The following POGK variants were observed in gnomAD, a reference collection of about 807,000 sequenced individuals.
POGK encodes pogo transposable element derived with KRAB domain, also known as pogo transposable element with KRAB domain.
A neutral mutation model predicts 54.4 loss-of-function variants in POGK; 16 were observed. The ratio of observed to expected loss-of-function variants is 0.29; its 90% CI spans 0.20 to 0.45. POGK has a LOEUF of 0.45. Among genes scored for constraint, POGK ranks in the 20% least tolerant of loss-of-function variants. The pLI is 1.00. For synonymous variants in POGK, 271 were observed against 302.2 expected (o/e 0.90, Z 1.07); for missense variants, 515 against 795.6 (o/e 0.65, Z 4.24).
At position 166,850,190 on chromosome 1, in the gene POGK, G is replaced by T. The variant is rs1447264006; in HGVS notation, c.1611G>T (p.Gly537=). The T allele has an allele frequency of 3.2e-6, 5 of 1,555,440 alleles. No individual in the cohort carries two copies. The highest frequency in any genetic ancestry group is 4.4e-6 in the Non-Finnish European group (5 of 1,149,038). ...LAGNLALSPT[G]NAKKPPLGLF... ...GGAACCTGGCGCTGAGCCCAACCGGGAATGCTAAGAAGCCACCCCTGGGCC... is the reference window on the plus strand; with the variant it reads ...GGAACCTGGCGCTGAGCCCAACCGGTAATGCTAAGAAGCCACCCCTGGGCC... The change falls in exon 5 of 6, where the codon GGG becomes GGT. Residue 537 remains glycine, a synonymous_variant. Transcript: ENST00000367876.
rs570431807 is a variant in POGK at position 166,853,825 on chromosome 1, G to T, written c.*1255G>T. On this transcript the variant is annotated 3_prime_UTR_variant, in exon 6 of 6. Coordinates refer to ENST00000367876, the MANE Select transcript of POGK (RefSeq NM_017542.5). ...ACCTATTTCTACTCAGGTACTCATT[G>T]TCCTGTTACTGATTCACCTTTCTGA... The T allele has an allele frequency of 6.6e-6, 1 of 152,376 alleles. No individual in the cohort carries two copies. The highest frequency in any genetic ancestry group is 2.1e-4 in the South Asian group (1 of 4,828). 9.4% of individuals were successfully genotyped at this position (152,376 alleles called of 1,614,324 possible).
At chr1:166,843,499 T>C (rs1657622637) in intron 2 of POGK, among the ~76,000 whole-genome samples, 1 of 152,228 alleles carries the variant, frequency 6.6e-6, no homozygotes, top group African/African-American at 2.4e-5. Context: ...GACAAGTTAC[T>C]TAACCACTCT....
At chr1:166,852,462 A>G (rs944505449) in intron 5 of POGK, 123 bp from the exon 6 acceptor site, 1 of 152,272 alleles carries the variant, frequency 6.6e-6, no homozygotes, top group African/African-American at 2.4e-5. Context: ...TTGGGAGACC[A>G]AGTGGGCATA....
chr1:166,851,119 CT>C (rs979849239), intron 5 of POGK: 3 of 152,152 alleles, frequency 2.0e-5, no homozygotes, highest in Non-Finnish European at 2.9e-5. Context: ...GAAAAGCCAA[CT>C]TTTTTCTTTC....
Position 166,849,844 on chromosome 1 carries a change from TC to T in POGK, c.1271del (p.Pro424ArgfsTer18). On this transcript the variant is annotated frameshift_variant, in exon 5 of 6. Coordinates refer to ENST00000367876, the MANE Select transcript of POGK (RefSeq NM_017542.5). LOFTEE classifies it high-confidence loss of function. The part of the protein sequence containing the change: ...PPYIILRGTY[I>X]PPGKFPSGME... ...TACATCATTTTGAGGGGAACATATA[TC>T]CCCCCGGGGAAGTTTCCCAGTGGGA... is the stretch of plus-strand genomic sequence containing the variant. 1 of 1,614,058 alleles carries T rather than the reference TC, an allele frequency of 6.2e-7. No homozygotes were observed. Among genetic ancestry groups the T allele is most frequent in the Non-Finnish European group, 8.5e-7 (1 of 1,180,016 alleles).
intron 5 of POGK, chr1:166,852,031 G>A (rs1403321731): frequency 1.3e-5 from 2 of 152,144 alleles, no homozygotes; most frequent in African/African-American, 2.4e-5. Context: ...AATGGAGCAA[G>A]AAGTTCTTAC....
intron 2 of POGK, 72 bp downstream of exon 2, chr1:166,841,160 C>T (rs1233072917): frequency 3.2e-6 from 5 of 1,574,800 alleles, no homozygotes; most frequent in Non-Finnish European, 4.3e-6. Context: ...TTTAAGTCTC[C>T]TCCTCAGACA....
intron 1 of POGK, chr1:166,840,170 C>G (rs578029742): frequency 4.2e-4 from 64 of 152,338 alleles, no homozygotes; most frequent in African/African-American, 1.3e-3. Context: ...AAGATGCATC[C>G]GCACTCCACA....
chr1:166,850,787 A>C, intron 5 of POGK: 1 of 167,364 alleles, frequency 6.0e-6, no homozygotes, highest in Admixed American at 6.2e-5. Flanking sequence ...TTTCATCCCA[A>C]AGCCATCCTA....
At chr1:166,842,886 C>T (rs546403236) in intron 2 of POGK, among the ~76,000 whole-genome samples, 134 of 152,102 alleles carry the variant, frequency 8.8e-4, no homozygotes, top group Non-Finnish European at 1.5e-3. Flanking sequence ...AGGTAACTGG[C>T]CCAAAATGTC....
intron 2 of POGK, among the ~76,000 whole-genome samples, chr1:166,841,694 T>C (rs571481615): frequency 1.1e-4 from 17 of 152,390 alleles, no homozygotes; most frequent in African/African-American, 4.1e-4. Flanking sequence ...GACTTCGTGG[T>C]AATTAGGCAT....
intron 2 of POGK, among the ~76,000 whole-genome samples, chr1:166,841,619 G>A (rs1394673240): frequency 3.3e-5 from 5 of 152,130 alleles, no homozygotes; most frequent in African/African-American, 4.8e-5. Flanking sequence ...GATAGAGGTC[G>A]GTTTATACAA....
In POGK at chr1:166,847,683, T is replaced by TAGA. The variant is rs1428219046; in HGVS notation, c.358+94_358+96dup. The TAGA allele has an allele frequency of 8.1e-6, 8 of 983,970 alleles. No homozygotes were observed. The East Asian group carries it at 1.8e-4, about 22-fold the overall frequency. The allele number at this position is 983,970 out of a possible 1,614,324, so 61.0% of individuals were successfully genotyped here. A position where few individuals can be genotyped will look rare whatever the true frequency, so the allele number is the denominator to read the frequency against. ...TACATTCCACGGGGTATTTAAGAGGTAGAAGGATTATGGGTTTTGGAGTTT... is the reference window on the plus strand; with the variant it reads ...TACATTCCACGGGGTATTTAAGAGGTAGAAGAAGGATTATGGGTTTTGGAGTTT... On this transcript the variant is annotated intron_variant, in intron 4 of 5. Transcript: ENST00000367876.
intron 1 of POGK, 61 bp from the exon 2 acceptor site, chr1:166,840,894 C>G: frequency 6.3e-7 from 1 of 1,595,634 alleles, no homozygotes; most frequent in Non-Finnish European, 8.6e-7. Context: ...CCTCCCCCAT[C>G]ATAGGCTTTG....
At chr1:166,845,404 T>C (rs1657806633) in intron 2 of POGK, among the ~76,000 whole-genome samples, 1 of 151,138 alleles carries the variant, frequency 6.6e-6, no homozygotes, top group Non-Finnish European at 1.5e-5. Flanking sequence ...CACAGGCCCA[T>C]TGCAGGGAAT....
chr1:166,844,342 A>G (rs1241896647), intron 2 of POGK, among the ~76,000 whole-genome samples: 1 of 152,202 alleles, frequency 6.6e-6, no homozygotes, highest in Non-Finnish European at 1.5e-5. Context: ...ATAAATAGGT[A>G]TGACCTAGAT....
chr1:166,841,599 A>C (rs1657516324), intron 2 of POGK, among the ~76,000 whole-genome samples: 2 of 152,360 alleles, frequency 1.3e-5, no homozygotes, highest in East Asian at 3.9e-4. Context: ...GTATACACGC[A>C]GAATAGTATG....
At chr1:166,847,386 T>A in intron 3 of POGK, 108 bp from the exon 4 acceptor site, 1 of 821,188 alleles carries the variant, frequency 1.2e-6, no homozygotes, top group Non-Finnish European at 1.9e-6. Context: ...TCCCCTTGTT[T>A]TTCACAAAGA....
rs1658159927 is a variant in POGK at position 166,853,584 on chromosome 1, T to C, written c.*1014T>C. ...GTGGGAAGTCATTGAATTTTTACAC[T>C]ATAGTAATTTGCATTCCCACATAAG... is the stretch of plus-strand genomic sequence containing the variant. On this transcript the variant is annotated 3_prime_UTR_variant, in exon 6 of 6. Transcript: ENST00000367876. 1.3e-5 allele frequency: 2 copies of C among 152,682 alleles called. No individual in the cohort carries two copies. The highest frequency in any genetic ancestry group is 2.9e-5 in the Non-Finnish European group (2 of 68,052). The allele number at this position is 152,682 out of a possible 1,614,324, so 9.5% of individuals were successfully genotyped here. A position where few individuals can be genotyped will look rare whatever the true frequency, so the allele number is the denominator to read the frequency against.
Sources: allele counts gnomAD v4.1 joint callset (sites outside exome capture counted in the v4.1 genomes callset), GRCh38; gene constraint gnomAD v4.1.1; transcripts MANE v1.5; gene names NCBI Gene and HGNC (gene_info 2026-07-23, HGNC 2026-07-21).